Variants in SYT1 observed in about 807,000 individuals in gnomAD.
The protein encoded by SYT1 is synaptotagmin-1.
A neutral mutation model predicts 44.8 loss-of-function variants in SYT1; 8 were observed. The observed-to-expected ratio is 0.18, with a 90% CI of 0.10 to 0.32. SYT1 has a LOEUF of 0.32. SYT1 is among the 10% of genes least tolerant of loss of function. SYT1 has a pLI of 1.00. For synonymous variants in SYT1, 154 were observed against 188.8 expected (o/e 0.82, Z 1.51); for missense variants, 286 against 509.3 (o/e 0.56, Z 4.22).
chr12:79,288,368 G>C (rs962025447), intron 5 of SYT1, among the ~76,000 whole-genome samples: 2 of 151,966 alleles, frequency 1.3e-5, no homozygotes, highest in African/African-American at 4.8e-5. Context: ...TGCCCTTCTC[G>C]TTTAAAAACA....
At chr12:78,898,270 G>A (rs1051228610) in intron 1 of SYT1, among the ~76,000 whole-genome samples, 2 of 151,922 alleles carry the variant, frequency 1.3e-5, no homozygotes, top group Non-Finnish European at 2.9e-5. Context: ...CTCTTGGAAC[G>A]ATGCCTGGCA....
At chr12:79,232,911 G>A (rs1875951620) in intron 4 of SYT1, among the ~76,000 whole-genome samples, 1 of 152,064 alleles carries the variant, frequency 6.6e-6, no homozygotes, top group African/African-American at 2.4e-5. Flanking sequence ...CCGAAGGTAG[G>A]CGACCTTCCA....
At chr12:79,335,481 C>T (rs1232528538) in intron 8 of SYT1, among the ~76,000 whole-genome samples, 2 of 151,652 alleles carry the variant, frequency 1.3e-5, no homozygotes, top group Non-Finnish European at 2.9e-5. Flanking sequence ...GTTTCCCTTT[C>T]CTCTGCAAGA....
intron 4 of SYT1, among the ~76,000 whole-genome samples, chr12:79,248,824 G>A (rs556285987): frequency 2.0e-5 from 3 of 152,276 alleles, no homozygotes; most frequent in African/African-American, 7.2e-5. Flanking sequence ...TGCAAAGGAG[G>A]TGATTGATTA....
At chr12:79,191,147 A>T (rs1370752776) in intron 3 of SYT1, among the ~76,000 whole-genome samples, 1 of 151,826 alleles carries the variant, frequency 6.6e-6, no homozygotes, top group Non-Finnish European at 1.5e-5. Flanking sequence ...CATGTATCTT[A>T]TTATTTGTTT....
chr12:79,236,652 A>G (rs1876207966), intron 4 of SYT1, among the ~76,000 whole-genome samples: 1 of 152,224 alleles, frequency 6.6e-6, no homozygotes, highest in Non-Finnish European at 1.5e-5. Flanking sequence ...AGGTTGACCC[A>G]TTCCTACATA....
intron 9 of SYT1, among the ~76,000 whole-genome samples, chr12:79,373,699 G>GT (rs1883882565): frequency 6.6e-6 from 1 of 152,020 alleles, no homozygotes; most frequent in Non-Finnish European, 1.5e-5. Flanking sequence ...ATCGACTGAA[G>GT]TTTTTTATTT....
At chr12:79,420,302 T>C (rs1159723768) in intron 9 of SYT1, among the ~76,000 whole-genome samples, 1 of 152,166 alleles carries the variant, frequency 6.6e-6, no homozygotes, top group Non-Finnish European at 1.5e-5. Context: ...TGTTAGACTT[T>C]TAAATGTTCA....
intron 3 of SYT1, among the ~76,000 whole-genome samples, chr12:79,087,157 G>A (rs1877437613): frequency 6.6e-6 from 1 of 152,034 alleles, no homozygotes; most frequent in Non-Finnish European, 1.5e-5. Context: ...TTAAGTTGCT[G>A]GCATTATGTT....
intron 9 of SYT1, among the ~76,000 whole-genome samples, chr12:79,431,872 T>C (rs1869811790): frequency 6.6e-6 from 1 of 152,136 alleles, no homozygotes; most frequent in South Asian, 2.1e-4. Flanking sequence ...CCCCATAGTT[T>C]ATTTTTATTT....
chr12:79,408,429 G>C (rs1315655693), intron 9 of SYT1, among the ~76,000 whole-genome samples: 1 of 152,114 alleles, frequency 6.6e-6, no homozygotes. Context: ...TGGCATTAGT[G>C]GGTTTATTGG....
intron 1 of SYT1, among the ~76,000 whole-genome samples, chr12:78,883,331 A>C (rs1182639952): frequency 6.6e-6 from 1 of 151,686 alleles, no homozygotes; most frequent in African/African-American, 2.4e-5. Context: ...TCTTTGGTGG[A>C]TATCACTGAA....
chr12:79,409,129 C>G (rs769262979), intron 9 of SYT1, among the ~76,000 whole-genome samples: 3 of 152,124 alleles, frequency 2.0e-5, no homozygotes, highest in Non-Finnish European at 4.4e-5. Context: ...ACCCAGCATA[C>G]TGTCCCTTGC....
At chr12:79,356,778 AG>A (rs1305809017) in intron 9 of SYT1, among the ~76,000 whole-genome samples, 1 of 152,210 alleles carries the variant, frequency 6.6e-6, no homozygotes, top group Non-Finnish European at 1.5e-5. Context: ...GAATAATGAG[AG>A]GACTTTGTTG....
At chr12:79,301,991 G>A (rs1526952) in intron 8 of SYT1, among the ~76,000 whole-genome samples, 55,350 of 151,898 alleles carry the variant, frequency 0.36, 10,353 homozygotes, top group East Asian at 0.58. Context: ...GATTCCACTT[G>A]CATTTTATAT....
At chr12:79,443,788 T>C (rs909644754) in intron 9 of SYT1, among the ~76,000 whole-genome samples, 5 of 152,162 alleles carry the variant, frequency 3.3e-5, no homozygotes, top group Non-Finnish European at 5.9e-5. Context: ...ACCATAGACA[T>C]AGGGAAATGC....
intron 1 of SYT1, among the ~76,000 whole-genome samples, chr12:78,905,765 T>C (rs1875945869): frequency 6.6e-6 from 1 of 151,962 alleles, no homozygotes; most frequent in Non-Finnish European, 1.5e-5. Context: ...ATAGAGTTTT[T>C]TGACCTTTTT....
intron 3 of SYT1, among the ~76,000 whole-genome samples, chr12:79,088,954 T>C (rs1255950397): frequency 6.6e-6 from 1 of 151,992 alleles, no homozygotes; most frequent in Non-Finnish European, 1.5e-5. Flanking sequence ...TGGGAGAAGA[T>C]TTATGAGGAA....
chr12:79,045,293 G>C (rs556726577), intron 2 of SYT1, among the ~76,000 whole-genome samples: 3 of 152,314 alleles, frequency 2.0e-5, no homozygotes, highest in African/African-American at 7.2e-5. Flanking sequence ...CGTAGGACCC[G>C]CCGAGCCAGG....
Sources: gnomAD v4.1 joint callset for allele counts (sites outside exome capture counted in the v4.1 genomes callset) on GRCh38, gnomAD v4.1.1 for gene constraint, MANE v1.5 for transcripts, NCBI Gene and HGNC (gene_info 2026-07-23, HGNC 2026-07-21) for gene names.